MICAL3: variants seen among roughly 807,000 people sequenced by gnomAD.
MICAL3 encodes microtubule associated monooxygenase, calponin and LIM domain containing 3.
A neutral mutation model predicts 207.4 loss-of-function variants in MICAL3; 62 were observed. The observed-to-expected ratio is 0.30, with a 90% CI of 0.24 to 0.37. MICAL3 has a LOEUF of 0.37. Among genes scored for constraint, MICAL3 ranks in the 10% least tolerant of loss-of-function variants. The pLI, the probability that MICAL3 is intolerant of heterozygous loss-of-function variation, is 1.00. For missense variants in MICAL3, 2,368 were observed against 2,635.6 expected, an observed-to-expected ratio of 0.90 and a Z score of 2.22; for synonymous variants, 1,077 against 1,069.3, an observed-to-expected ratio of 1.01 and a Z score of -0.14.
At chr22:17,836,811 T>C (rs1214865179) in intron 20 of MICAL3, among the ~76,000 whole-genome samples, 1 of 152,034 alleles carries the variant, frequency 6.6e-6, no homozygotes, top group Non-Finnish European at 1.5e-5. Context: ...GCCTGGCTAA[T>C]TTTTTGTACT....
intron 1 of MICAL3, among the ~76,000 whole-genome samples, chr22:17,933,203 C>G (rs1933354209): frequency 6.6e-6 from 1 of 152,122 alleles, no homozygotes; most frequent in African/African-American, 2.4e-5. Context: ...TATTCTAAAA[C>G]TGACCACATA....
At chr22:17,887,787 CAG>C (rs1204102722) in intron 13 of MICAL3, among the ~76,000 whole-genome samples, 2 of 152,042 alleles carry the variant, frequency 1.3e-5, no homozygotes, top group African/African-American at 2.4e-5. Context: ...AATTTCAGGA[CAG>C]AGAGAGAGGG....
chr22:17,889,194 C>A lies in MICAL3; in HGVS notation c.1731G>T (p.Lys577Asn), dbSNP rs762974496. 5.6e-6 allele frequency: 9 copies of A among 1,613,196 alleles called. No homozygotes were observed. Among genetic ancestry groups the A allele is most frequent in the Non-Finnish European group, 7.6e-6 (9 of 1,179,186 alleles). The change falls in exon 13 of 32, where the codon AAG (lysine) becomes AAT (asparagine). Residue 577 changes from lysine (K) to asparagine (N), a missense_variant. Transcript: ENST00000441493. Reference sequence around the variant, plus strand: ...CAATGTCAAAGGCCAGTTGGTTATTCTTCTCCACATTTTGCTCATCCAAAG... The same window carrying A: ...CAATGTCAAAGGCCAGTTGGTTATTATTCTCCACATTTTGCTCATCCAAAG... ...FDSLDEQNVE[K>N]NNQLAFDIAE...
intron 1 of MICAL3, among the ~76,000 whole-genome samples, chr22:17,944,047 G>T (rs1415871315): frequency 6.6e-6 from 1 of 152,122 alleles, no homozygotes; most frequent in African/African-American, 2.4e-5. Context: ...TGTCCCATCT[G>T]CCCAGTGCTC....
chr22:17,866,488 G>A (rs756323833), intron 17 of MICAL3, among the ~76,000 whole-genome samples: 10 of 152,076 alleles, frequency 6.6e-5, no homozygotes, highest in African/African-American at 1.7e-4. Context: ...TCCCCCTCCC[G>A]CACCCTATCT....
Position 17,790,989 on chromosome 22 carries a change from C to T in MICAL3, c.5824+9G>A, listed in dbSNP as rs1428423852. On this transcript the variant is annotated intron_variant, in intron 31 of 31. Transcript: ENST00000441493. ...ACCCTGGCCTCCATGGGTGCCTTACCCCACTCACCTTCCACTGCCATGCGT... is the reference window on the plus strand; with the variant it reads ...ACCCTGGCCTCCATGGGTGCCTTACTCCACTCACCTTCCACTGCCATGCGT... 6.2e-7 allele frequency: 1 copy of T among 1,612,156 alleles called. No individual in the cohort carries two copies. Among genetic ancestry groups the T allele is most frequent in the Non-Finnish European group, 8.5e-7 (1 of 1,179,652 alleles).
At chr22:17,868,153 G>C (rs183741597) in intron 17 of MICAL3, among the ~76,000 whole-genome samples, 1 of 152,238 alleles carries the variant, frequency 6.6e-6, no homozygotes, top group East Asian at 1.9e-4. Flanking sequence ...CTGCTCAGTA[G>C]CCGTGTGAAC....
intron 1 of MICAL3, among the ~76,000 whole-genome samples, chr22:17,943,744 G>A (rs189419294): frequency 3.9e-4 from 59 of 152,308 alleles, no homozygotes; most frequent in African/African-American, 1.3e-3. Context: ...GTCCCATAGA[G>A]AAAACAATCA....
intron 1 of MICAL3, among the ~76,000 whole-genome samples, chr22:17,920,754 C>A (rs1932783448): frequency 6.6e-6 from 1 of 152,188 alleles, no homozygotes; most frequent in African/African-American, 2.4e-5. Context: ...AAACCCACCA[C>A]CCACCAAATG....
At chr22:17,964,469 G>C (rs117374389) in intron 1 of MICAL3, among the ~76,000 whole-genome samples, 1 of 152,174 alleles carries the variant, frequency 6.6e-6, no homozygotes, top group Non-Finnish European at 1.5e-5. Context: ...CACTATCTGC[G>C]CACACAGCAC....
intron 1 of MICAL3, among the ~76,000 whole-genome samples, chr22:17,926,041 A>G (rs1206633967): frequency 1.3e-5 from 2 of 152,206 alleles, no homozygotes; most frequent in African/African-American, 4.8e-5. Flanking sequence ...GATGGTATCC[A>G]TGGGACTGTA....
intron 1 of MICAL3, among the ~76,000 whole-genome samples, chr22:17,968,798 C>T (rs994774623): frequency 6.6e-6 from 1 of 152,114 alleles, no homozygotes; most frequent in Non-Finnish European, 1.5e-5. Context: ...GAGTTAGGCG[C>T]TTTTAGATTA....
At chr22:17,972,502 G>C (rs1355786550) in intron 1 of MICAL3, among the ~76,000 whole-genome samples, 1 of 152,138 alleles carries the variant, frequency 6.6e-6, no homozygotes, top group Non-Finnish European at 1.5e-5. Context: ...ATCGGGGAGG[G>C]GTAAGCACAC....
intron 16 of MICAL3, among the ~76,000 whole-genome samples, chr22:17,876,091 G>A (rs527793877): frequency 1.1e-4 from 17 of 152,216 alleles, no homozygotes; most frequent in Admixed American, 3.9e-4. Flanking sequence ...TGCTCAGAGA[G>A]GCTCTGCTTG....
intron 8 of MICAL3, 96 bp downstream of exon 8, chr22:17,896,628 A>T: frequency 1.5e-6 from 2 of 1,309,154 alleles, no homozygotes; most frequent in East Asian, 4.7e-5. Context: ...TGTGCTGTAC[A>T]ACACTGCAGA....
At chr22:17,879,283 A>T in intron 16 of MICAL3, 1 of 1,441,210 alleles carries the variant, frequency 6.9e-7, no homozygotes, top group Non-Finnish European at 9.5e-7. Context: ...CTGCCCCACC[A>T]CCACAGCGTG....
chr22:17,983,277 C>T (rs1243445119), intron 1 of MICAL3: 1 of 152,202 alleles, frequency 6.6e-6, no homozygotes, highest in Non-Finnish European at 1.5e-5. Flanking sequence ...TGGGACCCTC[C>T]CTGCACCCCC....
intron 19 of MICAL3, chr22:17,860,330 A>T: frequency 1.0e-6 from 1 of 985,460 alleles, no homozygotes; most frequent in Non-Finnish European, 1.2e-6. Context: ...TTAAAAACAA[A>T]GGCAAAAATG....
chr22:17,796,080 C>T lies in MICAL3; in HGVS notation c.5651-4779G>A, dbSNP rs1306484915. ...TGTTGCTAACAGGTGCTATAATTTA[C>T]CACTTCTCAAAGCACTCCTGCGTGC... On this transcript the variant is annotated intron_variant, in intron 29 of 31. Coordinates refer to ENST00000441493, the MANE Select transcript of MICAL3 (RefSeq NM_015241.3). This position sits in a 1 kb window ranked among gnomAD's most constrained non-coding sequence, Gnocchi z 4.4. Among the ~76,000 whole-genome samples the T allele has an allele frequency of 6.6e-6, 1 of 152,176 alleles. No individual in the cohort carries two copies. Among genetic ancestry groups the T allele is most frequent in the Non-Finnish European group, 1.5e-5 (1 of 68,028 alleles).
Sources: gnomAD v4.1 joint callset for allele counts (sites outside exome capture counted in the v4.1 genomes callset) on GRCh38, gnomAD v4.1.1 for gene constraint, Gnocchi (gnomAD v3.1) non-coding constraint, MANE v1.5 for transcripts, NCBI Gene and HGNC (gene_info 2026-07-23, HGNC 2026-07-21) for gene names.